The following MTCL1 variants were observed in gnomAD, a reference collection of about 807,000 sequenced individuals.
The protein encoded by MTCL1 is microtubule crosslinking factor 1.
A neutral mutation model predicts 141.4 loss-of-function variants in MTCL1; 79 were observed. The observed-to-expected ratio is 0.56, with a 90% CI of 0.47 to 0.67. MTCL1 has a LOEUF of 0.67. MTCL1 is among the 30% of genes least tolerant of loss of function. The probability of loss-of-function intolerance (pLI) is 0.00; values close to 1 mark genes in which losing one functional copy is unlikely to be tolerated. For synonymous variants in MTCL1, 914 were observed against 875.8 expected, an observed-to-expected ratio of 1.04 and a Z score of -0.77; for missense variants, 2,177 against 2,113.9, an observed-to-expected ratio of 1.03 and a Z score of -0.59.
intron 4 of MTCL1, among the ~76,000 whole-genome samples, chr18:8,772,845 A>G (rs1230513180): frequency 6.6e-6 from 1 of 152,088 alleles, no homozygotes; most frequent in Admixed American, 6.5e-5. Context: ...CATGAGGACT[A>G]TAATGAGTCC....
At position 8,807,575 on chromosome 18, in the gene MTCL1, A is replaced by G. The variant is rs7243618; in HGVS notation, c.2604+515A>G. The stretch of plus-strand genomic sequence containing the variant: ...AACTGAGGCCCAGAAGAAACAGCTC[A>G]GCTCAGATCACAGAGCCATGTAGTG... On this transcript the variant is annotated intron_variant, in intron 11 of 16. Transcript: ENST00000359865. Among the ~76,000 whole-genome samples the G allele has an allele frequency of 2.3e-3, 357 of 152,352 alleles. 2 individuals are homozygous for G. Among genetic ancestry groups the G allele is most frequent in the African/African-American group, 7.8e-3 (326 of 41,578 alleles).
chr18:8,792,746 G>A (rs1293348811), intron 7 of MTCL1, among the ~76,000 whole-genome samples: 1 of 152,166 alleles, frequency 6.6e-6, no homozygotes, highest in Admixed American at 6.5e-5. Context: ...GGTGGTGGGT[G>A]AAGCTGCCCA....
intron 7 of MTCL1, among the ~76,000 whole-genome samples, chr18:8,792,037 C>T (rs1015687196): frequency 2.0e-5 from 3 of 152,038 alleles, no homozygotes; most frequent in Non-Finnish European, 2.9e-5. Flanking sequence ...ACCCAGGTAC[C>T]GATTAGGAAG....
rs1598389662 is a variant in MTCL1 at position 8,721,744 on chromosome 18, C to T, written c.357+1248C>T. Among the ~76,000 whole-genome samples the T allele has an allele frequency of 4.6e-5, 7 of 152,368 alleles. 1 individual carries two copies. In the South Asian group the frequency reaches 1.2e-3, roughly 27 times the overall value. ...GGACATTATTTGTCTATTGTCACCGCTCATCTGACAATGCTGTGTGTTTTC... is the reference window on the plus strand; with the variant it reads ...GGACATTATTTGTCTATTGTCACCGTTCATCTGACAATGCTGTGTGTTTTC... On this transcript the variant is annotated intron_variant, in intron 4 of 16. Transcript: ENST00000359865.
exon 6 of MTCL1, chr18:8,784,540 C>T (rs1246659007): frequency 5.6e-6 from 9 of 1,606,184 alleles, no homozygotes; most frequent in Non-Finnish European, 7.7e-6. Flanking sequence ...CGGACACCGA[C>T]AGCTTCCTCC....
At chr18:8,728,381 T>C (rs1345274977) in intron 4 of MTCL1, among the ~76,000 whole-genome samples, 4 of 152,172 alleles carry the variant, frequency 2.6e-5, no homozygotes, top group African/African-American at 9.6e-5. Flanking sequence ...TCCAACACTT[T>C]GAAGATAATA....
In MTCL1 at chr18:8,825,069, C is replaced by T; in HGVS notation, c.3559C>T (p.Gln1187Ter). The stretch of plus-strand genomic sequence containing the variant: ...ACTGCGGAGCCACGTCCTCACCGAG[C>T]AGTCGGGGTTGCGCGTGTTACACAG... Residue 1187 changes from glutamine (Q) to a stop codon, truncating the protein, a stop_gained, in exon 15 of 17, where the codon CAG becomes TAG. Transcript: ENST00000359865. LOFTEE classifies it high-confidence loss of function. 1 of 1,612,348 alleles carries T rather than the reference C, an allele frequency of 6.2e-7. No individual in the cohort carries two copies. The highest frequency in any genetic ancestry group is 8.5e-7 in the Non-Finnish European group (1 of 1,179,658).
At chr18:8,809,699 C>A in intron 11 of MTCL1, 2 of 1,335,730 alleles carry the variant, frequency 1.5e-6, no homozygotes, top group South Asian at 1.5e-5. Flanking sequence ...ACAGGCACCT[C>A]GCACGGCTGT....
intron 4 of MTCL1, among the ~76,000 whole-genome samples, chr18:8,773,649 T>C (rs927752284): frequency 2.6e-5 from 4 of 152,214 alleles, no homozygotes; most frequent in Admixed American, 6.5e-5. Context: ...ATCTTTTTTT[T>C]CTCGTTCCTT....
In MTCL1 at chr18:8,756,531, G is replaced by A. The variant is rs1338271949; in HGVS notation, c.358-21302G>A. ...TATATATATGTGTGTATATATGTGT[G>A]TGTATATATGTGTATATATATGTAT... is the stretch of plus-strand genomic sequence containing the variant. On this transcript the variant is annotated intron_variant, in intron 4 of 16. Transcript: ENST00000359865. Among the ~76,000 whole-genome samples, 315 of 149,398 alleles carry A rather than the reference G, an allele frequency of 2.1e-3. 2 individuals are homozygous for A. Among genetic ancestry groups the A allele is most frequent in the African/African-American group, 7.7e-3 (303 of 39,130 alleles).
At chr18:8,794,911 C>T (rs1046849255) in intron 8 of MTCL1, among the ~76,000 whole-genome samples, 1 of 152,178 alleles carries the variant, frequency 6.6e-6, no homozygotes, top group African/African-American at 2.4e-5. Flanking sequence ...ATGACCGTTA[C>T]ATCTTCAGTG....
chr18:8,806,533 C>T (rs1245389227), intron 10 of MTCL1, among the ~76,000 whole-genome samples: 2 of 152,150 alleles, frequency 1.3e-5, no homozygotes, highest in Admixed American at 6.5e-5. Flanking sequence ...TCCCTGTGGC[C>T]TCCTGCAGTT....
chr18:8,795,831 T>C (rs2075897428), intron 8 of MTCL1, among the ~76,000 whole-genome samples: 1 of 152,128 alleles, frequency 6.6e-6, no homozygotes, highest in South Asian at 2.1e-4. Context: ...TGTTTTCTCC[T>C]TTACAACTGT....
chr18:8,799,741 C>T (rs768299958), intron 10 of MTCL1, among the ~76,000 whole-genome samples: 4 of 152,210 alleles, frequency 2.6e-5, no homozygotes, highest in African/African-American at 7.2e-5. Context: ...CACGCATTCA[C>T]GCAGATGCTC....
chr18:8,722,633 C>T (rs552294717), intron 4 of MTCL1, among the ~76,000 whole-genome samples: 8 of 152,012 alleles, frequency 5.3e-5, no homozygotes, highest in South Asian at 4.2e-4. Context: ...AGTGGATCAC[C>T]GTAAAGGTCT....
chr18:8,724,308 G>A (rs1202777068), intron 4 of MTCL1, among the ~76,000 whole-genome samples: 3 of 152,084 alleles, frequency 2.0e-5, no homozygotes, highest in African/African-American at 7.2e-5. Flanking sequence ...CTACTCGGGA[G>A]GCTGAGGCAG....
chr18:8,724,995 C>G (rs2148830442), intron 4 of MTCL1, among the ~76,000 whole-genome samples: 1 of 150,394 alleles, frequency 6.6e-6, no homozygotes, highest in East Asian at 2.0e-4. Context: ...TATATTTCTT[C>G]TAGTATTCAA....
intron 11 of MTCL1, 186 bp from the exon 11 acceptor site, chr18:8,812,793 C>T: frequency 1.5e-6 from 1 of 687,982 alleles, no homozygotes; most frequent in Non-Finnish European, 2.4e-6. Flanking sequence ...CACCGCTTAA[C>T]ATTCTTTGTG....
At chr18:8,815,520 A>G (rs1056881848) in intron 12 of MTCL1, among the ~76,000 whole-genome samples, 41 of 152,118 alleles carry the variant, frequency 2.7e-4, no homozygotes, top group African/African-American at 9.9e-4. Flanking sequence ...CTAATGCTAA[A>G]TGACGAGTTA....
Sources: gnomAD v4.1 joint callset for allele counts (sites outside exome capture counted in the v4.1 genomes callset) on GRCh38, gnomAD v4.1.1 for gene constraint, MANE v1.5 for transcripts, NCBI Gene and HGNC (gene_info 2026-07-23, HGNC 2026-07-21) for gene names.